The following TTC29 variants were observed in gnomAD, a reference collection of about 807,000 sequenced individuals.
TTC29 encodes the protein tetratricopeptide repeat domain 29.
In TTC29, 49 loss-of-function variants were observed where a neutral mutation model predicts 58.1. The ratio of observed to expected loss-of-function variants is 0.84; its 90% CI spans 0.67 to 1.07. The LOEUF is 1.07. TTC29 is among the 50% of genes least tolerant of loss of function. The probability of loss-of-function intolerance (pLI) is 0.00; values close to 1 mark genes in which losing one functional copy is unlikely to be tolerated. For synonymous variants in TTC29, 209 were observed against 196.8 expected, an observed-to-expected ratio of 1.06 and a Z score of -0.52; for missense variants, 582 against 555.6, an observed-to-expected ratio of 1.05 and a Z score of -0.48.
chr4:146,943,897 A>G (rs1174343103), intron 2 of TTC29, among the ~76,000 whole-genome samples: 1 of 152,198 alleles, frequency 6.6e-6, no homozygotes, highest in Non-Finnish European at 1.5e-5. Context: ...TTTAGACTCA[A>G]CAATGAAGAA....
At chr4:146,762,503 C>G (rs1218565730) in intron 11 of TTC29, among the ~76,000 whole-genome samples, 1 of 151,906 alleles carries the variant, frequency 6.6e-6, no homozygotes, top group Non-Finnish European at 1.5e-5. Context: ...CAGTTAAATA[C>G]ACAATTAGGG....
intron 6 of TTC29, among the ~76,000 whole-genome samples, chr4:146,886,257 T>G (rs72733732): frequency 0.049 from 7,420 of 152,070 alleles, 328 homozygotes; most frequent in Admixed American, 0.13. Context: ...TTTCCTCTGT[T>G]GTAGGTTACG....
chr4:146,917,608 T>TTA (rs10629028), intron 4 of TTC29, among the ~76,000 whole-genome samples: 33,545 of 103,302 alleles, frequency 0.32, 5,213 homozygotes, highest in African/African-American at 0.49. Context: ...TATATATTAT[T>TTA]TATAATATAT....
intron 4 of TTC29, among the ~76,000 whole-genome samples, chr4:146,910,792 A>T (rs889131543): frequency 6.6e-6 from 1 of 152,228 alleles, no homozygotes; most frequent in Non-Finnish European, 1.5e-5. Flanking sequence ...CTAGGTCAAA[A>T]GATCAAATGC....
At chr4:146,780,302 G>GGTGTGT (rs57951745) in intron 11 of TTC29, among the ~76,000 whole-genome samples, 5,425 of 138,430 alleles carry the variant, frequency 0.039, 126 homozygotes, top group East Asian at 0.054. Flanking sequence ...CCTAACTTGG[G>GGTGTGT]GTGTGTGTGT....
chr4:146,882,021 G>C (rs1360038480), intron 6 of TTC29, among the ~76,000 whole-genome samples: 1 of 152,132 alleles, frequency 6.6e-6, no homozygotes, highest in Non-Finnish European at 1.5e-5. Context: ...CAGTTAAAGA[G>C]TATCGGTCAT....
intron 7 of TTC29, among the ~76,000 whole-genome samples, chr4:146,872,641 A>G (rs1243402268): frequency 6.6e-6 from 1 of 152,094 alleles, no homozygotes; most frequent in African/African-American, 2.4e-5. Context: ...AAAAATGCTC[A>G]ATGTTACGGG....
chr4:146,922,329 G>A (rs547136375), intron 4 of TTC29, among the ~76,000 whole-genome samples: 3 of 151,260 alleles, frequency 2.0e-5, no homozygotes, highest in Admixed American at 6.6e-5. Flanking sequence ...AATATTAACA[G>A]TAAGTTAATA....
At chr4:146,774,717 T>A (rs766095425) in intron 11 of TTC29, among the ~76,000 whole-genome samples, 3 of 152,194 alleles carry the variant, frequency 2.0e-5, no homozygotes, top group Non-Finnish European at 2.9e-5. Flanking sequence ...GACAGTTCTG[T>A]AGACGTCTGT....
chr4:146,718,840 G>A (rs932049388), intron 11 of TTC29, among the ~76,000 whole-genome samples: 1 of 152,118 alleles, frequency 6.6e-6, no homozygotes, highest in African/African-American at 2.4e-5. Flanking sequence ...AACAGTGTCA[G>A]GTCTTATGTT....
intron 9 of TTC29, among the ~76,000 whole-genome samples, chr4:146,826,110 T>C (rs938403428): frequency 6.6e-6 from 1 of 152,164 alleles, no homozygotes; most frequent in African/African-American, 2.4e-5. Flanking sequence ...CCCACTTACA[T>C]TTAAGGTTAG....
chr4:146,905,744 G>C (rs1465602771), intron 5 of TTC29, among the ~76,000 whole-genome samples: 1 of 152,040 alleles, frequency 6.6e-6, no homozygotes, highest in African/African-American at 2.4e-5. Flanking sequence ...AAATAAATTT[G>C]GGAAACATTT....
At chr4:146,869,549 T>A (rs992505342) in intron 7 of TTC29, among the ~76,000 whole-genome samples, 3 of 152,096 alleles carry the variant, frequency 2.0e-5, no homozygotes, top group African/African-American at 7.2e-5. Flanking sequence ...AAAAACAGAA[T>A]AGAAGAACGA....
intron 11 of TTC29, among the ~76,000 whole-genome samples, chr4:146,789,412 C>T (rs1749267409): frequency 6.6e-6 from 1 of 152,142 alleles, no homozygotes; most frequent in Non-Finnish European, 1.5e-5. Flanking sequence ...TAGAGAGATC[C>T]ATTTTTAACA....
intron 11 of TTC29, among the ~76,000 whole-genome samples, chr4:146,750,845 G>A (rs1745926926): frequency 6.6e-6 from 1 of 152,134 alleles, no homozygotes; most frequent in South Asian, 2.1e-4. Context: ...ACAACAAAAT[G>A]GCAGTGATAA....
At position 146,707,570 on chromosome 4, in the gene TTC29, A is replaced by G. The variant is rs1216297893; in HGVS notation, c.1331-19T>C. On this transcript the variant is annotated intron_variant, in intron 11 of 12. Transcript: ENST00000325106. ...AACTCTTCTAAAAAAAAAATACACA[A>G]AGTTAATAGATTATCATGAACACAG... The G allele has an allele frequency of 6.5e-7, 1 of 1,531,174 alleles. No homozygotes were observed. Among genetic ancestry groups the G allele is most frequent in the East Asian group, 2.3e-5 (1 of 44,398 alleles). 94.8% of individuals were successfully genotyped at this position (1,531,174 alleles called of 1,614,324 possible).
Position 146,748,625 on chromosome 4 carries a change from C to T in TTC29, c.1331-41074G>A, listed in dbSNP as rs1201900871. Among the ~76,000 whole-genome samples, 6 of 152,340 alleles carry T rather than the reference C, an allele frequency of 3.9e-5. No homozygotes were observed. In the East Asian group the frequency reaches 9.7e-4, roughly 25 times the overall value. ...CTCAACCAATGAGGCACCTGCAGTC[C>T]TCACTAACATTGAGTGCAACTGAAG... On this transcript the variant is annotated intron_variant, in intron 11 of 12. Coordinates refer to ENST00000325106, the MANE Select transcript of TTC29 (RefSeq NM_031956.4).
chr4:146,907,803 A>G (rs1207540921), intron 5 of TTC29, among the ~76,000 whole-genome samples: 2 of 152,188 alleles, frequency 1.3e-5, no homozygotes, highest in African/African-American at 4.8e-5. Flanking sequence ...CCCAGCCAAA[A>G]TGGAGGTTTT....
intron 9 of TTC29, among the ~76,000 whole-genome samples, chr4:146,826,300 C>G (rs1727793744): frequency 6.6e-6 from 1 of 152,134 alleles, no homozygotes; most frequent in South Asian, 2.1e-4. Flanking sequence ...CCAGGAAAGG[C>G]CTGGTGGTAA....
Sources: gnomAD v4.1 joint callset for allele counts (sites outside exome capture counted in the v4.1 genomes callset) on GRCh38, gnomAD v4.1.1 for gene constraint, MANE v1.5 for transcripts, NCBI Gene and HGNC (gene_info 2026-07-23, HGNC 2026-07-21) for gene names.